Variants in UBE2E3 observed in about 807,000 individuals in gnomAD.
UBE2E3 encodes ubiquitin conjugating enzyme E2 E3.
UBE2E3 carries 5 observed loss-of-function variants against 23.6 expected under a neutral mutation model. The observed-to-expected ratio is 0.21, with a 90% CI of 0.11 to 0.44. The LOEUF is 0.44. UBE2E3 is among the 20% of genes least tolerant of loss of function. The pLI is 0.99. For missense variants in UBE2E3, 81 were observed against 249.8 expected, an observed-to-expected ratio of 0.32 and a Z score of 4.55; for synonymous variants, 78 against 87.5, an observed-to-expected ratio of 0.89 and a Z score of 0.60.
chr2:181,048,500 G>C (rs12475075), intron 3 of UBE2E3, among the ~76,000 whole-genome samples: 58,815 of 152,000 alleles, frequency 0.39, 12,078 homozygotes, highest in East Asian at 0.57. Context: ...GGTTGTTATA[G>C]AGATTACATA....
At chr2:181,023,661 G>C (rs1225829489) in intron 3 of UBE2E3, among the ~76,000 whole-genome samples, 1 of 152,006 alleles carries the variant, frequency 6.6e-6, no homozygotes, top group Non-Finnish European at 1.5e-5. Flanking sequence ...TAAAAATTGG[G>C]GGCATCCAAT....
At chr2:181,053,555 G>A (rs1368517570) in intron 3 of UBE2E3, among the ~76,000 whole-genome samples, 1 of 151,214 alleles carries the variant, frequency 6.6e-6, no homozygotes, top group Non-Finnish European at 1.5e-5. Context: ...AGCTTTTTCT[G>A]GGCAGTTTTA....
chr2:180,992,211 T>G (rs1015954910), intron 3 of UBE2E3, among the ~76,000 whole-genome samples: 1 of 152,122 alleles, frequency 6.6e-6, no homozygotes, highest in Non-Finnish European at 1.5e-5. Flanking sequence ...CGTTTTTAAG[T>G]TGTTCTTTGT....
chr2:181,041,043 A>T (rs1686477888), intron 3 of UBE2E3, among the ~76,000 whole-genome samples: 1 of 151,866 alleles, frequency 6.6e-6, no homozygotes, highest in Admixed American at 6.6e-5. Context: ...AGGTCAGGAG[A>T]TCAAAACCAT....
At position 181,060,865 on chromosome 2, in the gene UBE2E3, T is replaced by C; in HGVS notation, c.526+53T>C. 10 of 342,412 alleles carry C rather than the reference T, an allele frequency of 2.9e-5. No individual in the cohort carries two copies. The South Asian group carries it at 3.7e-4, about 13-fold the overall frequency. 21.2% of individuals were successfully genotyped at this position (342,412 alleles called of 1,614,324 possible). Reference sequence around the variant, plus strand: ...ATAAGACTACAAAAACGAGTGCTTTTTTTTTTTTTTTTTTTTTTTTTTTAG... The same window carrying C: ...ATAAGACTACAAAAACGAGTGCTTTCTTTTTTTTTTTTTTTTTTTTTTTAG... On this transcript the variant is annotated intron_variant, in intron 5 of 5. Coordinates refer to ENST00000410062, the MANE Select transcript of UBE2E3 (RefSeq NM_006357.4).
chr2:181,046,530 G>A (rs1005200284), intron 3 of UBE2E3, among the ~76,000 whole-genome samples: 7 of 152,084 alleles, frequency 4.6e-5, no homozygotes, highest in African/African-American at 1.4e-4. Context: ...GGCAGAAAAT[G>A]AAAACAAGAT....
intron 3 of UBE2E3, among the ~76,000 whole-genome samples, chr2:181,012,722 T>C (rs1685371824): frequency 6.6e-6 from 1 of 152,202 alleles, no homozygotes. Flanking sequence ...GTTATACAGA[T>C]ATTTAGTTGT....
chr2:180,987,377 C>T (rs1684513316), intron 3 of UBE2E3: 10 of 1,550,020 alleles, frequency 6.5e-6, no homozygotes, highest in Non-Finnish European at 7.9e-6. Flanking sequence ...CTTGTGCAAA[C>T]AGCGAAAGTT....
At chr2:181,018,356 ATC>A (rs972987968) in intron 3 of UBE2E3, among the ~76,000 whole-genome samples, 1 of 144,088 alleles carries the variant, frequency 6.9e-6, no homozygotes, top group Non-Finnish European at 1.5e-5. Context: ...TAATATTTTT[ATC>A]TCTGTGTGTG....
chr2:180,992,750 C>T (rs1014784527), intron 3 of UBE2E3, among the ~76,000 whole-genome samples: 1 of 152,014 alleles, frequency 6.6e-6, no homozygotes, highest in African/African-American at 2.4e-5. Context: ...CAACCTCTGC[C>T]TCCCGGGTTC....
At position 181,060,825 on chromosome 2, in the gene UBE2E3, T is replaced by G. The variant is rs764163182; in HGVS notation, c.526+13T>G. 1 of 1,573,282 alleles carries G rather than the reference T, an allele frequency of 6.4e-7. No homozygotes were observed. ...GACTGCAACCCTGGTAAGCAAATCT[T>G]TATTAACATGTACAATAAGACTACA... On this transcript the variant is annotated intron_variant, in intron 5 of 5. Coordinates refer to ENST00000410062, the MANE Select transcript of UBE2E3 (RefSeq NM_006357.4).
rs140445330 is a variant in UBE2E3, at chr2:181,013,726, C to T, written c.245+29633C>T. Among the ~76,000 whole-genome samples, 4 of 152,264 alleles carry T rather than the reference C, an allele frequency of 2.6e-5. No individual in the cohort carries two copies. The East Asian group carries it at 5.8e-4, about 22-fold the overall frequency. ...ATATGTGTGCAGCAGATGAAATCCTCATTACTTTTTTTGACCTAGGCTTGG... is the reference window on the plus strand; with the variant it reads ...ATATGTGTGCAGCAGATGAAATCCTTATTACTTTTTTTGACCTAGGCTTGG... On this transcript the variant is annotated intron_variant, in intron 3 of 5. Coordinates refer to ENST00000410062, the MANE Select transcript of UBE2E3 (RefSeq NM_006357.4).
At chr2:180,997,188 T>G (rs954746821) in intron 3 of UBE2E3, among the ~76,000 whole-genome samples, 6 of 152,040 alleles carry the variant, frequency 3.9e-5, no homozygotes, top group Non-Finnish European at 8.8e-5. Context: ...TTAAGCTCAT[T>G]TAATTCTTTC....
At chr2:181,016,595 A>AG (rs1685499336) in intron 3 of UBE2E3, among the ~76,000 whole-genome samples, 1 of 152,230 alleles carries the variant, frequency 6.6e-6, no homozygotes, top group South Asian at 2.1e-4. Context: ...TAATGGAGGT[A>AG]GAATCCCAGC....
chr2:181,025,579 A>C (rs575866884), intron 3 of UBE2E3, among the ~76,000 whole-genome samples: 1 of 151,896 alleles, frequency 6.6e-6, no homozygotes, highest in Non-Finnish European at 1.5e-5. Context: ...CCACATATTA[A>C]TTTTTTTTCT....
intron 3 of UBE2E3, among the ~76,000 whole-genome samples, chr2:181,014,731 ATATAGT>A (rs1188883836): frequency 3.3e-5 from 5 of 152,112 alleles, no homozygotes; most frequent in African/African-American, 4.8e-5. Flanking sequence ...ATTTTTATTG[ATATAGT>A]TATACATGTT....
intron 3 of UBE2E3, among the ~76,000 whole-genome samples, chr2:181,011,803 A>T (rs747630222): frequency 2.6e-5 from 4 of 152,194 alleles, no homozygotes; most frequent in Admixed American, 2.0e-4. Context: ...TGAATGAACC[A>T]TGTGTCCTCC....
chr2:180,988,229 T>C (rs1422793882), intron 3 of UBE2E3, among the ~76,000 whole-genome samples: 1 of 152,160 alleles, frequency 6.6e-6, no homozygotes, highest in Non-Finnish European at 1.5e-5. Context: ...AGTGATGTGC[T>C]CTCACTGTTG....
chr2:181,056,081 TAAAA>T (rs58442227), intron 3 of UBE2E3, among the ~76,000 whole-genome samples: 1 of 135,674 alleles, frequency 7.4e-6, no homozygotes. Flanking sequence ...AGGAAATGCT[TAAAA>T]AAAAAAAAAA....
Sources: gnomAD v4.1 joint callset for allele counts (sites outside exome capture counted in the v4.1 genomes callset) on GRCh38, gnomAD v4.1.1 for gene constraint, MANE v1.5 for transcripts, NCBI Gene and HGNC (gene_info 2026-07-23, HGNC 2026-07-21) for gene names.